Variants in CELF2 observed in about 807,000 individuals in gnomAD.
The protein encoded by CELF2 is CUGBP Elav-like family member 2.
A neutral mutation model predicts 62.6 loss-of-function variants in CELF2; 8 were observed. The ratio of observed to expected loss-of-function variants is 0.13; its 90% CI spans 0.07 to 0.23. CELF2 has a LOEUF of 0.23. Among genes scored for constraint, CELF2 ranks in the 10% least tolerant of loss-of-function variants. The pLI, the probability that CELF2 is intolerant of heterozygous loss-of-function variation, is 1.00. For missense variants in CELF2, 333 were observed against 671.0 expected (o/e 0.50, Z 5.56); for synonymous variants, 258 against 250.0 (o/e 1.03, Z -0.30).
chr10:11,172,223 T>C (rs1052265245), intron 2 of CELF2, among the ~76,000 whole-genome samples: 1 of 152,002 alleles, frequency 6.6e-6, no homozygotes, highest in Non-Finnish European at 1.5e-5. Context: ...ATTAATGTTA[T>C]GTTAACAGAA....
In CELF2 at chr10:11,285,866, TG is replaced by T. The variant is rs1237120859; in HGVS notation, c.842-2551del. Among the ~76,000 whole-genome samples the T allele has an allele frequency of 1.4e-5, 2 of 137,956 alleles. No individual in the cohort carries two copies. The highest frequency in any genetic ancestry group is 3.3e-5 in the African/African-American group (1 of 30,594). The allele number at this position is 137,956 out of a possible 152,430, so 90.5% of individuals were successfully genotyped here. ...GTGTGTGTGTGTGTGTGTGTGTGTG[TG>T]TGTGTGTGTGTTTTTACATGGACTT... On this transcript the variant is annotated intron_variant, in intron 8 of 12. Coordinates refer to ENST00000633077, the MANE Select transcript of CELF2 (RefSeq NM_001326342.2). The surrounding 1 kb of genome is among the most constrained non-coding windows in gnomAD (Gnocchi z 4.3).
At chr10:10,777,899 G>A in the CELF2 span, among the ~76,000 whole-genome samples, 1 of 152,108 alleles carries the variant, frequency 6.6e-6, no homozygotes, top group East Asian at 1.9e-4. Flanking sequence ...CTCACTTCCT[G>A]CACAGCTGTT....
At chr10:11,141,189 G>A (rs746167702) in intron 1 of CELF2, among the ~76,000 whole-genome samples, 5 of 152,204 alleles carry the variant, frequency 3.3e-5, no homozygotes, top group Non-Finnish European at 5.9e-5. Context: ...TGGAGCTGAG[G>A]TTCCTAGCAC....
intron 1 of CELF2, among the ~76,000 whole-genome samples, chr10:10,864,948 T>C (rs1195045312): frequency 6.6e-6 from 1 of 152,176 alleles, no homozygotes; most frequent in East Asian, 1.9e-4. Context: ...TCCCCACATA[T>C]GAAATAAAAG....
chr10:10,927,347 A>AAAAAAAAAAAAAC (rs2065593116), intron 2 of CELF2: 2 of 31,732 alleles, frequency 6.3e-5, no homozygotes, highest in Non-Finnish European at 9.0e-5. Context: ...TAGTGACATT[A>AAAAAAAAAAAAAC]AAAAAAAAAA....
In CELF2 at chr10:11,328,508, C is replaced by T. The variant is rs1286955196; in HGVS notation, c.1439-418C>T. Among the ~76,000 whole-genome samples the T allele has an allele frequency of 1.3e-5, 2 of 152,164 alleles. No individual in the cohort carries two copies. Among genetic ancestry groups the T allele is most frequent in the East Asian group, 3.8e-4 (2 of 5,196 alleles). ...CCTCACCTGGCTGGGACACGTGAGC[C>T]CCTAGGGGCCCCCACAGCCCTGAAA... On this transcript the variant is annotated intron_variant, in intron 12 of 12. Transcript: ENST00000633077. This position sits in a 1 kb window ranked among gnomAD's most constrained non-coding sequence, Gnocchi z 6.4.
chr10:10,792,659 G>C, the CELF2 span: 1 of 386,858 alleles, frequency 2.6e-6, no homozygotes, highest in Non-Finnish European at 4.6e-6. Context: ...CTGAGCCACA[G>C]ATTTTTCCTT....
At chr10:10,991,026 T>C (rs991366867) in intron 2 of CELF2, among the ~76,000 whole-genome samples, 1 of 152,082 alleles carries the variant, frequency 6.6e-6, no homozygotes, top group Non-Finnish European at 1.5e-5. Flanking sequence ...TGTGAGTTTT[T>C]TTCCCCCCAT....
the CELF2 span, among the ~76,000 whole-genome samples, chr10:10,618,368 C>T: frequency 3.3e-5 from 5 of 152,104 alleles, no homozygotes; most frequent in Admixed American, 1.3e-4. Context: ...GAGCCCTGAT[C>T]ATTTATACCT....
At chr10:11,151,315 G>A (rs1401360997) in intron 1 of CELF2, among the ~76,000 whole-genome samples, 1 of 152,172 alleles carries the variant, frequency 6.6e-6, no homozygotes, top group African/African-American at 2.4e-5. Context: ...CGGGCTTTGT[G>A]TGTACTTGAA....
At chr10:10,670,182 G>A in the CELF2 span, among the ~76,000 whole-genome samples, 2 of 152,052 alleles carry the variant, frequency 1.3e-5, no homozygotes, top group African/African-American at 4.8e-5. Flanking sequence ...GATTACAGGC[G>A]TGAGCCATCG....
chr10:10,728,403 A>G, the CELF2 span, among the ~76,000 whole-genome samples: 1 of 150,910 alleles, frequency 6.6e-6, no homozygotes, highest in Non-Finnish European at 1.5e-5. Flanking sequence ...CAGTGAGCCA[A>G]GATCATGCCA....
chr10:11,109,906 G>A (rs2054674449), intron 1 of CELF2, among the ~76,000 whole-genome samples: 3 of 152,182 alleles, frequency 2.0e-5, no homozygotes, highest in Admixed American at 2.0e-4. Flanking sequence ...CGAGGCAGGT[G>A]AGAGAGCAGT....
chr10:10,810,591 G>A (rs2055760658), intron 1 of CELF2, among the ~76,000 whole-genome samples: 1 of 152,140 alleles, frequency 6.6e-6, no homozygotes. Flanking sequence ...AGAAGAGGAA[G>A]AGCCAGGGGC....
At chr10:10,587,378 A>T in the CELF2 span, among the ~76,000 whole-genome samples, 2 of 152,174 alleles carry the variant, frequency 1.3e-5, no homozygotes, top group African/African-American at 4.8e-5. Flanking sequence ...TTTGCATTTG[A>T]AATCACTCTT....
chr10:11,147,955 C>T (rs1335143337), intron 1 of CELF2, among the ~76,000 whole-genome samples: 1 of 152,198 alleles, frequency 6.6e-6, no homozygotes, highest in East Asian at 1.9e-4. Flanking sequence ...TTTCTCTCTC[C>T]CTCAGACGGC....
chr10:11,196,958 C>CAAAAGAA (rs2057693660), intron 2 of CELF2, among the ~76,000 whole-genome samples: 1 of 116,244 alleles, frequency 8.6e-6, no homozygotes, highest in East Asian at 3.1e-4. Flanking sequence ...GACTCTGTCT[C>CAAAAGAA]AAAAGAAAAA....
rs2083283170 is a variant in CELF2 at position 11,270,016 on chromosome 10, G to A, written c.619-650G>A. On this transcript the variant is annotated intron_variant, in intron 6 of 12. Coordinates refer to ENST00000633077, the MANE Select transcript of CELF2 (RefSeq NM_001326342.2). The surrounding 1 kb of genome is among the most constrained non-coding windows in gnomAD (Gnocchi z 5.8). The stretch of plus-strand genomic sequence containing the variant: ...GCTCCAGGGATGGCGGGTAGCACAG[G>A]TGTGCTGAGGGAAGAGGCCTCTCTG... Among the ~76,000 whole-genome samples the A allele has an allele frequency of 1.3e-5, 2 of 152,190 alleles. No homozygotes were observed. Among genetic ancestry groups the A allele is most frequent in the Non-Finnish European group, 2.9e-5 (2 of 68,036 alleles).
At chr10:10,604,983 G>A in the CELF2 span, among the ~76,000 whole-genome samples, 5 of 152,180 alleles carry the variant, frequency 3.3e-5, no homozygotes, top group East Asian at 1.9e-4. Flanking sequence ...TATGTTCATC[G>A]CAGCACTATT....
Sources: allele counts gnomAD v4.1 joint callset (sites outside exome capture counted in the v4.1 genomes callset), GRCh38; gene constraint gnomAD v4.1.1; non-coding constraint Gnocchi (gnomAD v3.1); transcripts MANE v1.5; gene names NCBI Gene and HGNC (gene_info 2026-07-23, HGNC 2026-07-21).